Variants in BACH2 observed in about 807,000 individuals in gnomAD.
BACH2 encodes transcription regulator protein BACH2.
Under a neutral mutation model 61.8 loss-of-function variants are expected in BACH2, and 5 were observed. That is an observed-to-expected ratio of 0.08 (90% CI 0.04 to 0.17). The LOEUF is 0.17. Ranked by LOEUF, BACH2 falls within the 10% of genes least tolerant of loss-of-function variation. BACH2 has a pLI of 1.00. For missense variants in BACH2, 824 were observed against 1,091.1 expected (o/e 0.76, Z 3.45); for synonymous variants, 446 against 440.1 (o/e 1.01, Z -0.17).
At chr6:89,948,623 G>C (rs1773889959) in intron 7 of BACH2, among the ~76,000 whole-genome samples, 1 of 152,180 alleles carries the variant, frequency 6.6e-6, no homozygotes, top group Non-Finnish European at 1.5e-5. Flanking sequence ...GCAGTGACTT[G>C]CCTTCCACAT....
intron 4 of BACH2, among the ~76,000 whole-genome samples, chr6:90,141,614 AACAAAG>A (rs750172345): frequency 2.6e-5 from 4 of 152,052 alleles, no homozygotes; most frequent in Non-Finnish European, 5.9e-5. Flanking sequence ...AAACAACAAT[AACAAAG>A]ACAAACAGCT....
intron 5 of BACH2, among the ~76,000 whole-genome samples, chr6:90,014,277 CT>C (rs199836033): frequency 0.012 from 1,510 of 130,674 alleles, 22 homozygotes; most frequent in East Asian, 0.085. Context: ...TTTCTAAAAG[CT>C]TTTTTTTTTT....
chr6:89,980,159 T>C (rs1202237905), intron 6 of BACH2, among the ~76,000 whole-genome samples: 1 of 151,990 alleles, frequency 6.6e-6, no homozygotes, highest in East Asian at 1.9e-4. Flanking sequence ...CTGGGCGTGG[T>C]GGTGTGCGCC....
At chr6:90,004,697 C>A (rs1487484616) in intron 6 of BACH2, among the ~76,000 whole-genome samples, 1 of 152,194 alleles carries the variant, frequency 6.6e-6, no homozygotes, top group Non-Finnish European at 1.5e-5. Context: ...GGCTGGCATC[C>A]AGCCCGAAAT....
chr6:90,174,663 G>A (rs1406252041), intron 4 of BACH2, among the ~76,000 whole-genome samples: 1 of 151,876 alleles, frequency 6.6e-6, no homozygotes, highest in African/African-American at 2.4e-5. Flanking sequence ...ATAAAATGTA[G>A]GACCCTTTGA....
At chr6:89,940,852 G>GTT (rs11306386) in intron 7 of BACH2, among the ~76,000 whole-genome samples, 3 of 142,596 alleles carry the variant, frequency 2.1e-5, no homozygotes, top group African/African-American at 2.6e-5. Context: ...ATAGTTTACA[G>GTT]TTTTTTTTTT....
intron 6 of BACH2, among the ~76,000 whole-genome samples, chr6:89,974,494 C>G (rs1237422417): frequency 6.6e-6 from 1 of 152,182 alleles, no homozygotes. Flanking sequence ...TTTTTTAAGA[C>G]TAAGGTTTTA....
At chr6:90,128,691 A>G (rs1303147858) in intron 4 of BACH2, among the ~76,000 whole-genome samples, 1 of 152,150 alleles carries the variant, frequency 6.6e-6, no homozygotes, top group African/African-American at 2.4e-5. Flanking sequence ...ATACCATTTG[A>G]CCCAGCAATC....
chr6:90,026,991 G>A (rs181524095), intron 5 of BACH2, among the ~76,000 whole-genome samples: 1 of 152,218 alleles, frequency 6.6e-6, no homozygotes, highest in African/African-American at 2.4e-5. Flanking sequence ...TAGCTTGAGG[G>A]TCATTCAGGT....
intron 1 of BACH2, among the ~76,000 whole-genome samples, chr6:90,287,128 A>G (rs1482554576): frequency 9.9e-5 from 15 of 152,140 alleles, no homozygotes; most frequent in Non-Finnish European, 1.5e-5. Flanking sequence ...GGAGAAGGGT[A>G]TGGTGGGGGA....
chr6:90,103,029 ATTTTT>A (rs371386234), intron 4 of BACH2, among the ~76,000 whole-genome samples: 2 of 21,162 alleles, frequency 9.5e-5, no homozygotes, highest in Non-Finnish European at 1.6e-4. Flanking sequence ...ATATATATAT[ATTTTT>A]TTTTTTTTTT....
chr6:89,939,490 C>T (rs955251311), intron 7 of BACH2, among the ~76,000 whole-genome samples: 2 of 152,078 alleles, frequency 1.3e-5, no homozygotes, highest in Non-Finnish European at 2.9e-5. Context: ...ATTTATTATG[C>T]AACAATAGAC....
At chr6:90,214,150 G>A (rs1769449041) in intron 3 of BACH2, among the ~76,000 whole-genome samples, 1 of 152,174 alleles carries the variant, frequency 6.6e-6, no homozygotes, top group African/African-American at 2.4e-5. Flanking sequence ...TTTGCCAATA[G>A]TGCACGTCAC....
At chr6:90,125,919 T>C (rs1336045178) in intron 4 of BACH2, among the ~76,000 whole-genome samples, 1 of 152,206 alleles carries the variant, frequency 6.6e-6, no homozygotes, top group African/African-American at 2.4e-5. Flanking sequence ...TATTTGTGAA[T>C]TGAGACAAAT....
rs1033172738 is a variant in BACH2 at position 89,981,265 on chromosome 6, G to A, written c.243+27337C>T. On this transcript the variant is annotated intron_variant, in intron 6 of 8. Coordinates refer to ENST00000257749, the MANE Select transcript of BACH2 (RefSeq NM_021813.4). ...TCCTGTCTCAGCCTCCCCAGTAGCC[G>A]GGACTACAGGTGCCCGCCACCATGC... 3.9e-5 allele frequency among the ~76,000 whole-genome samples: 6 copies of A among 151,958 alleles called. No homozygotes were observed. The South Asian group carries it at 1.0e-3, about 26-fold the overall frequency.
chr6:90,235,604 T>C (rs963320010), intron 3 of BACH2, among the ~76,000 whole-genome samples: 14 of 152,220 alleles, frequency 9.2e-5, no homozygotes, highest in African/African-American at 2.7e-4. Context: ...AAGAGGATCC[T>C]TTCAGCCAAG....
At chr6:90,229,400 C>T (rs1029291544) in intron 3 of BACH2, among the ~76,000 whole-genome samples, 13 of 151,802 alleles carry the variant, frequency 8.6e-5, no homozygotes, top group African/African-American at 2.7e-4. Flanking sequence ...GCGGAGGTTG[C>T]GGCGAGCAGA....
At chr6:89,975,439 A>G (rs1775599230) in intron 6 of BACH2, among the ~76,000 whole-genome samples, 1 of 152,158 alleles carries the variant, frequency 6.6e-6, no homozygotes, top group Non-Finnish European at 1.5e-5. Flanking sequence ...CTTCTGCAAA[A>G]TACAGTGTTT....
intron 5 of BACH2, among the ~76,000 whole-genome samples, chr6:90,058,572 C>T (rs1273112381): frequency 6.6e-6 from 1 of 152,044 alleles, no homozygotes; most frequent in East Asian, 1.9e-4. Context: ...AGATTCAATG[C>T]CATCCCCATC....
Sources: allele counts gnomAD v4.1 joint callset (sites outside exome capture counted in the v4.1 genomes callset), GRCh38; gene constraint gnomAD v4.1.1; transcripts MANE v1.5; gene names NCBI Gene and HGNC (gene_info 2026-07-23, HGNC 2026-07-21).